CACNA1B: variants seen among roughly 807,000 people sequenced by gnomAD.
CACNA1B encodes the protein voltage-dependent N-type calcium channel subunit alpha-1B.
CACNA1B carries 70 observed loss-of-function variants against 247.2 expected under a neutral mutation model. The ratio of observed to expected loss-of-function variants is 0.28; its 90% CI spans 0.23 to 0.35. CACNA1B has a LOEUF of 0.35. CACNA1B is among the 10% of genes least tolerant of loss of function. CACNA1B has a pLI of 1.00. For synonymous variants in CACNA1B, 1,231 were observed against 1,294.4 expected, an observed-to-expected ratio of 0.95 and a Z score of 1.05; for missense variants, 2,367 against 3,197.4, an observed-to-expected ratio of 0.74 and a Z score of 6.26.
At chr9:138,030,961 G>A (rs918424369) in intron 20 of CACNA1B, among the ~76,000 whole-genome samples, 3 of 152,080 alleles carry the variant, frequency 2.0e-5, no homozygotes, top group African/African-American at 7.2e-5. Context: ...CTTACGAGGA[G>A]TTTGTATAAT....
At chr9:138,096,425 C>T (rs562067062) in intron 36 of CACNA1B, 59 bp from the exon 37 acceptor site, 126 of 1,384,314 alleles carry the variant, frequency 9.1e-5, no homozygotes, top group Non-Finnish European at 8.7e-5. Flanking sequence ...TGGTGGGGGG[C>T]GGCGGGGAGG....
At chr9:137,972,045 T>C (rs898552921) in intron 11 of CACNA1B, among the ~76,000 whole-genome samples, 3 of 152,164 alleles carry the variant, frequency 2.0e-5, no homozygotes, top group Non-Finnish European at 4.4e-5. Context: ...GAGTCCTGGC[T>C]TCTTACCCTC....
At chr9:137,994,992 G>C (rs1036836101) in intron 15 of CACNA1B, among the ~76,000 whole-genome samples, 7 of 152,018 alleles carry the variant, frequency 4.6e-5, no homozygotes, top group African/African-American at 7.2e-5. Flanking sequence ...ATTACCTGAG[G>C]TCAGGAGTTT....
intron 6 of CACNA1B, among the ~76,000 whole-genome samples, chr9:137,936,356 T>G (rs1266355021): frequency 4.6e-5 from 7 of 152,242 alleles, no homozygotes; most frequent in African/African-American, 1.7e-4. Context: ...TAAATTTGTT[T>G]AAGTTCTTTG....
chr9:137,956,266 C>T (rs1033330230), intron 8 of CACNA1B, among the ~76,000 whole-genome samples: 6 of 152,148 alleles, frequency 3.9e-5, no homozygotes, highest in African/African-American at 9.7e-5. Flanking sequence ...TGGGTAGGGA[C>T]GGGCAGACAC....
intron 12 of CACNA1B, among the ~76,000 whole-genome samples, chr9:137,982,221 G>A (rs934882669): frequency 1.3e-5 from 2 of 152,130 alleles, no homozygotes; most frequent in African/African-American, 4.8e-5. Flanking sequence ...GCTCATTTGG[G>A]GCTGGAGAAT....
At chr9:138,097,426 T>G (rs1240620024) in intron 37 of CACNA1B, among the ~76,000 whole-genome samples, 1 of 152,156 alleles carries the variant, frequency 6.6e-6, no homozygotes, top group Non-Finnish European at 1.5e-5. Context: ...TCAGGCAGCA[T>G]GGCTTCTCCA....
At chr9:138,031,792 CTACTT>C (rs1442571597) in intron 20 of CACNA1B, among the ~76,000 whole-genome samples, 3 of 152,114 alleles carry the variant, frequency 2.0e-5, no homozygotes, top group African/African-American at 7.2e-5. Context: ...GCTCTGCAGT[CTACTT>C]TATCTTATGT....
In CACNA1B at chr9:137,882,206, CT is replaced by C. The variant is rs1049972835; in HGVS notation, c.391-536del. ...AAAGCCTGAGCTGTATCCAGGCAAC[CT>C]TGTGCAGGTTCCCACCCAGAGGCTG... On this transcript the variant is annotated intron_variant, in intron 2 of 46. Transcript: ENST00000371372. The surrounding 1 kb of genome is among the most constrained non-coding windows in gnomAD (Gnocchi z 4.0). 6.6e-6 allele frequency among the ~76,000 whole-genome samples: 1 copy of C among 152,230 alleles called. No individual in the cohort carries two copies. The highest frequency in any genetic ancestry group is 1.5e-5 in the Non-Finnish European group (1 of 68,044).
At position 137,971,650 on chromosome 9, in the gene CACNA1B, A is replaced by G. The variant is rs1958151448; in HGVS notation, c.1543+58A>G. The G allele has an allele frequency of 1.2e-5, 18 of 1,468,204 alleles. No individual in the cohort carries two copies. The highest frequency in any genetic ancestry group is 1.6e-5 in the Non-Finnish European group (17 of 1,065,222). 90.9% of individuals were successfully genotyped at this position (1,468,204 alleles called of 1,614,324 possible). Reference sequence around the variant, plus strand: ...CTGAGCATCTCTGCTCTCAGTCTGGAAACCCTGGTCCATGCCCTGGGGCTA... The same window carrying G: ...CTGAGCATCTCTGCTCTCAGTCTGGGAACCCTGGTCCATGCCCTGGGGCTA... On this transcript the variant is annotated intron_variant, in intron 11 of 46. Transcript: ENST00000371372. The surrounding 1 kb of genome is among the most constrained non-coding windows in gnomAD (Gnocchi z 4.4).
chr9:138,043,309 G>A (rs534827273), intron 20 of CACNA1B, among the ~76,000 whole-genome samples: 8 of 152,260 alleles, frequency 5.3e-5, no homozygotes, highest in Non-Finnish European at 8.8e-5. Flanking sequence ...CTGGGATCTC[G>A]AGGAAGAAAA....
rs1246052325 is a variant in CACNA1B at position 137,961,421 on chromosome 9, G to T, written c.1333+3734G>T. 4.6e-5 allele frequency among the ~76,000 whole-genome samples: 7 copies of T among 152,310 alleles called. No homozygotes were observed. The East Asian group carries it at 1.3e-3, about 29-fold the overall frequency. On this transcript the variant is annotated intron_variant, in intron 10 of 46. Coordinates refer to ENST00000371372, the MANE Select transcript of CACNA1B (RefSeq NM_000718.4). ...TCCAATACTATGTTGGATAGGAGTG[G>T]TGAGAGACATCTTGTCTTGTGCAGG...
In CACNA1B at chr9:138,097,829, A is replaced by G. The variant is rs79099394; in HGVS notation, c.5222+1218A>G. Among the ~76,000 whole-genome samples the G allele has an allele frequency of 9.9e-4, 150 of 152,212 alleles. No individual in the cohort carries two copies. In the East Asian group the frequency reaches 0.022, roughly 23 times the overall value. On this transcript the variant is annotated intron_variant, in intron 37 of 46. Transcript: ENST00000371372. Reference sequence around the variant, plus strand: ...CTGGGTTCTGCCTGGTTTTGCTTAAACTGCAGCTCAGCAGAGGGAGCCCTC... The same window carrying G: ...CTGGGTTCTGCCTGGTTTTGCTTAAGCTGCAGCTCAGCAGAGGGAGCCCTC...
chr9:138,106,120 A>G (rs1009081122), intron 39 of CACNA1B, among the ~76,000 whole-genome samples: 7 of 152,172 alleles, frequency 4.6e-5, no homozygotes, highest in Non-Finnish European at 8.8e-5. Context: ...AAGCCTCACC[A>G]CAGCCAGCGC....
intron 20 of CACNA1B, among the ~76,000 whole-genome samples, chr9:138,033,836 C>G (rs1362292174): frequency 1.3e-5 from 2 of 152,138 alleles, no homozygotes; most frequent in African/African-American, 4.8e-5. Context: ...CCAATTACCT[C>G]CATCTGGTCT....
chr9:138,112,365 CTT>C (rs750832160), intron 39 of CACNA1B, 31 bp from the exon 40 acceptor site: 3 of 1,530,566 alleles, frequency 2.0e-6, no homozygotes, highest in Admixed American at 3.3e-5. Context: ...ACATCTCTGT[CTT>C]TTCCCCTTCC....
intron 10 of CACNA1B, among the ~76,000 whole-genome samples, chr9:137,961,446 G>A (rs1958020702): frequency 6.6e-6 from 1 of 152,170 alleles, no homozygotes; most frequent in African/African-American, 2.4e-5. Context: ...TCTTGTGCAG[G>A]TTTTCAAGGG....
chr9:138,115,640 G>C lies in CACNA1B; in HGVS notation c.5738G>C (p.Arg1913Pro). 2 of 1,613,698 alleles carry C rather than the reference G, an allele frequency of 1.2e-6. No homozygotes were observed. Among genetic ancestry groups the C allele is most frequent in the Non-Finnish European group, 1.7e-6 (2 of 1,179,776 alleles). ...AVLRGARVFL[R>P]QKSSTSLSNG... ...CTCCGAGGAGCCCGGGTTTTCCTTC[G>C]ACAGAAGAGTTCCACCTCCCTCAGC... is the stretch of plus-strand genomic sequence containing the variant. Residue 1913 changes from arginine (R) to proline (P), a missense_variant, in exon 42 of 47, where the codon CGA becomes CCA. Arg to Pro is a moderately radical substitution (Grantham distance 103). Coordinates refer to ENST00000371372, the MANE Select transcript of CACNA1B (RefSeq NM_000718.4).
Position 138,102,690 on chromosome 9 carries a change from C to T in CACNA1B, c.5223-21C>T. 6.4e-7 allele frequency: 1 copy of T among 1,564,330 alleles called. No homozygotes were observed. The highest frequency in any genetic ancestry group is 8.8e-7 in the Non-Finnish European group (1 of 1,139,380). ...GTGGACCACCCCACTGTGCCCTGGC[C>T]TCGCTGGGACGGGTTTCCAGTGGGC... On this transcript the variant is annotated intron_variant, in intron 37 of 46. Transcript: ENST00000371372. This position sits in a 1 kb window ranked among gnomAD's most constrained non-coding sequence, Gnocchi z 5.4.
Sources: allele counts gnomAD v4.1 joint callset (sites outside exome capture counted in the v4.1 genomes callset), GRCh38; gene constraint gnomAD v4.1.1; non-coding constraint Gnocchi (gnomAD v3.1); transcripts MANE v1.5; gene names NCBI Gene and HGNC (gene_info 2026-07-23, HGNC 2026-07-21).